Variants in KALRN observed in about 807,000 individuals in gnomAD.
The protein encoded by KALRN is kalirin.
In KALRN, 70 loss-of-function variants were observed where a neutral mutation model predicts 353.7. The ratio of observed to expected loss-of-function variants is 0.20; its 90% confidence interval spans 0.16 to 0.24. The LOEUF (loss-of-function observed/expected upper bound fraction) is 0.24. Ranked by LOEUF, KALRN falls within the 10% of genes least tolerant of loss-of-function variation. The pLI is 1.00. For missense variants in KALRN, 2,791 were observed against 3,756.7 expected (o/e 0.74, Z 6.72); for synonymous variants, 1,391 against 1,434.8 (o/e 0.97, Z 0.69).
intron 10 of KALRN, among the ~76,000 whole-genome samples, chr3:124,364,344 TG>T (rs1186490888): frequency 6.6e-6 from 1 of 152,216 alleles, no homozygotes; most frequent in Admixed American, 6.5e-5. Flanking sequence ...GATGGGAGCC[TG>T]AACCTCATGA....
At chr3:124,206,223 C>T (rs1340607537) in intron 1 of KALRN, among the ~76,000 whole-genome samples, 1 of 152,176 alleles carries the variant, frequency 6.6e-6, no homozygotes, top group African/African-American at 2.4e-5. Context: ...CCAGGACTTA[C>T]CCTTTCTATT....
rs2093682242 is a variant in KALRN at position 124,441,942 on chromosome 3, C to T, written c.3199-3C>T. On this transcript the variant is annotated splice_polypyrimidine_tract_variant and splice_region_variant and intron_variant, in intron 18 of 59. Coordinates refer to ENST00000682506, the MANE Select transcript of KALRN (RefSeq NM_001388419.1). ...AGGGGCCTCACAGCTTTGTCTTTCG[C>T]AGGCCTGCACCCTGGCTCGGCGGAA... 6 of 1,554,144 alleles carry T rather than the reference C, an allele frequency of 3.9e-6. No individual in the cohort carries two copies. The highest frequency in any genetic ancestry group is 5.3e-6 in the Non-Finnish European group (6 of 1,141,232).
intron 15 of KALRN, 83 bp downstream of exon 15, chr3:124,423,061 G>T: frequency 1.5e-6 from 2 of 1,353,306 alleles, no homozygotes; most frequent in Non-Finnish European, 2.0e-6. Context: ...ATGAGGTAAG[G>T]CATACAGAGC....
At chr3:124,301,227 T>TA (rs775904633) in intron 6 of KALRN, among the ~76,000 whole-genome samples, 3 of 152,260 alleles carry the variant, frequency 2.0e-5, no homozygotes, top group Non-Finnish European at 4.4e-5. Flanking sequence ...TCTTCTCTGC[T>TA]AGTGTGGATA....
At chr3:124,226,320 G>A (rs1579655945) in intron 1 of KALRN, among the ~76,000 whole-genome samples, 1 of 152,174 alleles carries the variant, frequency 6.6e-6, no homozygotes. Flanking sequence ...TAAAATTAGA[G>A]CATAAATATC....
chr3:124,150,493 G>A (rs780483345), intron 1 of KALRN, among the ~76,000 whole-genome samples: 13 of 152,152 alleles, frequency 8.5e-5, no homozygotes, highest in African/African-American at 2.4e-4. Context: ...CCATTAACTC[G>A]TCATTTACAT....
chr3:124,546,758 C>G (rs192886362), intron 33 of KALRN, among the ~76,000 whole-genome samples: 1 of 152,172 alleles, frequency 6.6e-6, no homozygotes, highest in South Asian at 2.1e-4. Context: ...TCTAGTGAAG[C>G]CTTTTCAGGG....
At chr3:124,617,694 A>G (rs757280247) in intron 34 of KALRN, among the ~76,000 whole-genome samples, 3 of 152,178 alleles carry the variant, frequency 2.0e-5, no homozygotes, top group Admixed American at 6.5e-5. Flanking sequence ...AGCCACCCCA[A>G]TAGTTCCTGA....
intron 10 of KALRN, among the ~76,000 whole-genome samples, chr3:124,382,676 A>G (rs2087567104): frequency 6.6e-6 from 1 of 152,162 alleles, no homozygotes; most frequent in Admixed American, 6.5e-5. Flanking sequence ...TTTATTGTCT[A>G]CAGAATATAA....
At chr3:124,124,561 A>G (rs1560015743) in intron 1 of KALRN, among the ~76,000 whole-genome samples, 1 of 152,198 alleles carries the variant, frequency 6.6e-6, no homozygotes, top group Non-Finnish European at 1.5e-5. Context: ...TGTGGGAAAA[A>G]TGCTATCACA....
chr3:124,472,243 A>C (rs2060991794), intron 25 of KALRN, among the ~76,000 whole-genome samples: 1 of 152,226 alleles, frequency 6.6e-6, no homozygotes, highest in Admixed American at 6.5e-5. Context: ...TAAAGTGACC[A>C]GGCCAATTAT....
chr3:124,135,141 C>T (rs753360154), intron 1 of KALRN, among the ~76,000 whole-genome samples: 6 of 152,126 alleles, frequency 3.9e-5, no homozygotes, highest in Non-Finnish European at 7.3e-5. Flanking sequence ...GCCCATCAAT[C>T]AATGAGTGGA....
At chr3:124,678,521 CT>C (rs3215109) in intron 50 of KALRN, 13 of 451,684 alleles carry the variant, frequency 2.9e-5, no homozygotes, top group Middle Eastern at 6.5e-4. Flanking sequence ...AAGTAAGTAC[CT>C]TTTTTTTCTT....
At chr3:124,301,881 A>G (rs2077298123) in intron 6 of KALRN, among the ~76,000 whole-genome samples, 2 of 152,254 alleles carry the variant, frequency 1.3e-5, no homozygotes, top group Admixed American at 6.5e-5. Context: ...GTAAATGTAC[A>G]TATAGCATAC....
intron 43 of KALRN, among the ~76,000 whole-genome samples, chr3:124,660,393 AT>A: frequency 1.3e-5 from 2 of 151,968 alleles, no homozygotes; most frequent in Admixed American, 1.3e-4. Flanking sequence ...TAGCTTTGAA[AT>A]TTTGAGGCTG....
chr3:124,460,868 A>T (rs569844055), intron 23 of KALRN, among the ~76,000 whole-genome samples: 1 of 152,364 alleles, frequency 6.6e-6, no homozygotes, highest in African/African-American at 2.4e-5. Flanking sequence ...TTAGAGGCCC[A>T]AGGAGGAAGA....
chr3:124,222,091 A>G (rs907708943), intron 1 of KALRN, among the ~76,000 whole-genome samples: 5 of 152,204 alleles, frequency 3.3e-5, no homozygotes, highest in Admixed American at 1.3e-4. Flanking sequence ...TAGAGATGGC[A>G]TCTTGGTGAC....
chr3:124,595,183 ATG>A (rs1164208968), intron 34 of KALRN, among the ~76,000 whole-genome samples: 2 of 148,054 alleles, frequency 1.4e-5, no homozygotes, highest in Non-Finnish European at 3.0e-5. Context: ...TTTTTTTTCC[ATG>A]TGTGTTTTTT....
At chr3:124,284,635 G>A (rs920105232) in intron 5 of KALRN, among the ~76,000 whole-genome samples, 4 of 152,082 alleles carry the variant, frequency 2.6e-5, no homozygotes, top group African/African-American at 9.7e-5. Context: ...CTAGACCGTG[G>A]CCTTGATCTT....
Sources: allele counts gnomAD v4.1 joint callset (sites outside exome capture counted in the v4.1 genomes callset), GRCh38; gene constraint gnomAD v4.1.1; transcripts MANE v1.5; gene names NCBI Gene and HGNC (gene_info 2026-07-23, HGNC 2026-07-21).